Variants in ATAD2 observed in about 807,000 individuals in gnomAD.
The protein encoded by ATAD2 is ATPase family AAA domain containing 2, also known as ATPase family AAA domain-containing protein 2.
In ATAD2, 62 loss-of-function variants were observed where a neutral mutation model predicts 168.9. That is an observed-to-expected ratio of 0.37 (90% CI 0.30 to 0.45). The LOEUF (loss-of-function observed/expected upper bound fraction) is 0.45, where lower values mean the gene tolerates loss of function less well. Among genes scored for constraint, ATAD2 ranks in the 20% least tolerant of loss-of-function variants. ATAD2 has a pLI of 1.00. For missense variants in ATAD2, 1,419 were observed against 1,667.8 expected, an observed-to-expected ratio of 0.85 and a Z score of 2.60; for synonymous variants, 613 against 571.6, an observed-to-expected ratio of 1.07 and a Z score of -1.03.
Position 123,349,363 on chromosome 8 carries a change from C to G in ATAD2, c.1728G>C (p.Arg576Ser), listed in dbSNP as rs750436700. The change falls in exon 14 of 28, where the codon AGG (arginine) becomes AGC (serine). Residue 576 changes from arginine to serine, a missense_variant. Arg to Ser is a moderately radical substitution (Grantham distance 110). Transcript: ENST00000287394. ...GTAAAGCAGGATCTATAGAATCTAG[C>G]CTGTTCGTAGCACCAATGACCACAA... ...GEIVVIGATNRLDSIDPALRR... is the reference protein window; with the variant it reads ...GEIVVIGATNSLDSIDPALRR... 1 of 1,614,114 alleles carries G rather than the reference C, an allele frequency of 6.2e-7. No homozygotes were observed. Among genetic ancestry groups the G allele is most frequent in the South Asian group, 1.1e-5 (1 of 91,082 alleles).
intron 18 of ATAD2, 54 bp downstream of exon 18, chr8:123,346,032 A>G: frequency 1.5e-6 from 2 of 1,330,482 alleles, no homozygotes; most frequent in Non-Finnish European, 2.0e-6. Context: ...GGGCAATTTT[A>G]GCTTTTGCCT....
In ATAD2 at chr8:123,396,224, G is replaced by A. The variant is rs1309140822; in HGVS notation, c.134C>T (p.Ala45Val). ...TGTGGTCGCCGCGGGTTTCTTCTGC[G>A]CCGCGCCGGCCGAGCGGAGCCGCCT... Reference protein sequence around the residue: ...GRRRLRSAGAAQKKPAATTAK... With the variant: ...GRRRLRSAGAVQKKPAATTAK... Residue 45 changes from alanine to valine, a missense_variant, in exon 1 of 28, where the codon GCG (alanine) becomes GTG (valine). Around this residue, in one of 5 missense-constraint regions of ATAD2, gnomAD observed 419 missense variants for 423.5 expected, o/e 0.99. Transcript: ENST00000287394. 6.3e-7 allele frequency: 1 copy of A among 1,597,950 alleles called. No individual in the cohort carries two copies.
chr8:123,364,991 G>C (rs1050171704), intron 8 of ATAD2, among the ~76,000 whole-genome samples: 15 of 152,074 alleles, frequency 9.9e-5, no homozygotes, highest in Non-Finnish European at 1.8e-4. Flanking sequence ...CAAACTGTCT[G>C]TCTGCTGATT....
intron 1 of ATAD2, among the ~76,000 whole-genome samples, chr8:123,407,708 C>T (rs1405453169): frequency 6.6e-6 from 1 of 152,102 alleles, no homozygotes; most frequent in Non-Finnish European, 1.5e-5. Flanking sequence ...CAAAAATTAG[C>T]TGGGTGTGGT....
Position 123,356,492 on chromosome 8 carries a change from G to C in ATAD2, c.1558-15C>G. ...ATCTGATAGGCCTAGAAAGTAGGTG[G>C]AGTGGTCATTTGTTAGCATAAACAG... On this transcript the variant is annotated splice_polypyrimidine_tract_variant and intron_variant, in intron 12 of 27. Coordinates refer to ENST00000287394, the MANE Select transcript of ATAD2 (RefSeq NM_014109.4). 1 of 1,596,630 alleles carries C rather than the reference G, an allele frequency of 6.3e-7. No homozygotes were observed. The highest frequency in any genetic ancestry group is 8.6e-7 in the Non-Finnish European group (1 of 1,166,962).
chr8:123,377,119 G>C (rs1829342716), intron 2 of ATAD2, among the ~76,000 whole-genome samples: 1 of 30,262 alleles, frequency 3.3e-5, no homozygotes, highest in African/African-American at 1.1e-4. Flanking sequence ...AAAAGAGCCA[G>C]GTGTGGTGGT....
chr8:123,414,580 C>T (rs1940293707), intron 1 of ATAD2, among the ~76,000 whole-genome samples: 2 of 152,198 alleles, frequency 1.3e-5, no homozygotes, highest in African/African-American at 4.8e-5. Context: ...GCTATGATTG[C>T]ACCACTGCAC....
chr8:123,328,276 C>A lies in ATAD2; in HGVS notation c.3782G>T (p.Cys1261Phe). 6.3e-7 allele frequency: 1 copy of A among 1,577,038 alleles called. No individual in the cohort carries two copies. The highest frequency in any genetic ancestry group is 8.6e-7 in the Non-Finnish European group (1 of 1,164,810). The change falls in exon 25 of 28, where the codon TGT becomes TTT. Residue 1261 changes from cysteine (C) to phenylalanine (F), a missense_variant. By Grantham distance (205) the Cys-to-Phe change is radical (BLOSUM62 -2). Coordinates refer to ENST00000287394, the MANE Select transcript of ATAD2 (RefSeq NM_014109.4). ...AGCAATCTTGTCTCTCAATTCTGTA[C>A]ATGCTGTAGTCTTCCTAGAGTCTTC... Reference protein sequence around the residue: ...ELEDSRKTTACTELRDKIACN... With the variant: ...ELEDSRKTTAFTELRDKIACN...
rs547276807 is a variant in ATAD2 at position 123,321,302 on chromosome 8, A to G, written c.4132-127T>C. 6.8e-4 allele frequency: 543 copies of G among 797,632 alleles called. 4 individuals carry two copies. Among genetic ancestry groups the G allele is most frequent in the Non-Finnish European group, 6.6e-5 (34 of 516,418 alleles). The allele number at this position is 797,632 out of a possible 1,614,324, so 49.4% of individuals were successfully genotyped here. A position where few individuals can be genotyped will look rare whatever the true frequency, so the allele number is the denominator to read the frequency against. ...TTCAGGTATATATTTGATAGTGAAAATAAACATTCAGTTCAGTATTTAAGA... is the reference window on the plus strand; with the variant it reads ...TTCAGGTATATATTTGATAGTGAAAGTAAACATTCAGTTCAGTATTTAAGA... On this transcript the variant is annotated intron_variant, in intron 27 of 27. Coordinates refer to ENST00000287394, the MANE Select transcript of ATAD2 (RefSeq NM_014109.4).
chr8:123,398,827 G>A (rs1812960710), upstream of ATAD2, among the ~76,000 whole-genome samples: 1 of 152,106 alleles, frequency 6.6e-6, no homozygotes, highest in South Asian at 2.1e-4. Context: ...TTTCTTGCAT[G>A]AATATGCTTC....
chr8:123,411,587 G>GA (rs1253558910), intron 1 of ATAD2, among the ~76,000 whole-genome samples: 4 of 151,962 alleles, frequency 2.6e-5, no homozygotes, highest in African/African-American at 4.8e-5. Context: ...TGCTAATTAG[G>GA]AAAAAATAGG....
At chr8:123,409,205 T>G (rs1813116712) in intron 1 of ATAD2, among the ~76,000 whole-genome samples, 1 of 152,172 alleles carries the variant, frequency 6.6e-6, no homozygotes, top group African/African-American at 2.4e-5. Flanking sequence ...TTTCTCAGTT[T>G]TCCCATGTAA....
intron 1 of ATAD2, among the ~76,000 whole-genome samples, chr8:123,413,240 C>A (rs28487896): frequency 7.1e-6 from 1 of 141,510 alleles, no homozygotes; most frequent in South Asian, 2.4e-4. Flanking sequence ...CCCCCCCCAA[C>A]TCCTCCCTGC....
At position 123,405,262 on chromosome 8, in the gene ATAD2, T is replaced by TTC. The variant is rs922908042; in HGVS notation, c.-2281-4088_-2281-4087insGA. On this transcript the variant is annotated intron_variant, in intron 1 of 28. Coordinates refer to the ATAD2 transcript ENST00000521903. ...TTTCTTTTTCATTTTCTTTCTTTCT[T>TTC]TTTTTTTTTTTGAGACGCAGTTTTG... Among the ~76,000 whole-genome samples the TTC allele has an allele frequency of 8.0e-5, 12 of 149,510 alleles. No individual in the cohort carries two copies. The East Asian group carries it at 9.7e-4, about 12-fold the overall frequency.
At chr8:123,360,416 G>A (rs1438223089) in intron 9 of ATAD2, among the ~76,000 whole-genome samples, 5 of 151,776 alleles carry the variant, frequency 3.3e-5, no homozygotes, top group African/African-American at 1.2e-4. Flanking sequence ...ATCTCGGCTC[G>A]CTGCAATCTT....
In ATAD2 at chr8:123,337,665, T is replaced by C. The variant is rs1827956040; in HGVS notation, c.3011A>G (p.Lys1004Arg). 6.2e-7 allele frequency: 1 copy of C among 1,612,862 alleles called. No homozygotes were observed. The highest frequency in any genetic ancestry group is 1.3e-5 in the African/African-American group (1 of 75,016). ...RNVTHRLAID[K>R]RFRVFTKPVD... Reference sequence around the variant, plus strand: ...AGGCTTAGTAAACACTCGGAATCGCTTGTCAATAGCAAGCCTATGTGTAAC... The same window carrying C: ...AGGCTTAGTAAACACTCGGAATCGCCTGTCAATAGCAAGCCTATGTGTAAC... The change falls in exon 21 of 28, where the codon AAG (lysine) becomes AGG (arginine). Residue 1004 changes from lysine to arginine, a missense_variant. By Grantham distance (26) the Lys-to-Arg change is conservative. Around this residue, in one of 5 missense-constraint regions of ATAD2, gnomAD observed 545 missense variants for 724.9 expected, o/e 0.75. Transcript: ENST00000287394.
chr8:123,387,759 A>T (rs1040352010), intron 1 of ATAD2, among the ~76,000 whole-genome samples: 5 of 152,206 alleles, frequency 3.3e-5, no homozygotes, highest in African/African-American at 1.2e-4. Context: ...TAAAATAACA[A>T]AAAAGTTTTC....
chr8:123,322,848 A>G, intron 27 of ATAD2, 90 bp downstream of exon 27: 1 of 1,351,252 alleles, frequency 7.4e-7, no homozygotes. Context: ...TTTCTTACAC[A>G]GATTAAATAA....
chr8:123,343,966 T>C (rs1263390488), intron 19 of ATAD2, among the ~76,000 whole-genome samples: 3 of 152,230 alleles, frequency 2.0e-5, no homozygotes, highest in African/African-American at 7.2e-5. Context: ...TGTTCACTAT[T>C]GGCAGTTGTC....
Sources: allele counts gnomAD v4.1 joint callset (sites outside exome capture counted in the v4.1 genomes callset), GRCh38; gene constraint gnomAD v4.1.1; regional missense constraint gnomAD v4.1.1; transcripts MANE v1.5; gene names NCBI Gene and HGNC (gene_info 2026-07-23, HGNC 2026-07-21).